ADAP1: variants seen among roughly 807,000 people sequenced by gnomAD.
ADAP1 encodes the protein arf-GAP with dual PH domain-containing protein 1.
ADAP1 carries 31 observed loss-of-function variants against 54.9 expected under a neutral mutation model. The ratio of observed to expected loss-of-function variants is 0.56; its 90% CI spans 0.42 to 0.76. The LOEUF (loss-of-function observed/expected upper bound fraction) is 0.76. ADAP1 is among the 30% of genes least tolerant of loss of function. The probability of loss-of-function intolerance (pLI) is 0.00; values close to 1 mark genes in which losing one functional copy is unlikely to be tolerated. For missense variants in ADAP1, 535 were observed against 512.4 expected, an observed-to-expected ratio of 1.04 and a Z score of -0.42; for synonymous variants, 313 against 202.6, an observed-to-expected ratio of 1.55 and a Z score of -4.63.
In ADAP1 at chr7:898,717, T is replaced by C; in HGVS notation, c.*204A>G. ...AGCAGCAGCATGACGGGGTTAGAGA[T>C]CAGGCCCAGGGCCTGGGCTGCCTGC... On this transcript the variant is annotated 3_prime_UTR_variant, in exon 11 of 11. Coordinates refer to ENST00000265846, the MANE Select transcript of ADAP1 (RefSeq NM_006869.4). The C allele has an allele frequency of 1.5e-6, 1 of 652,540 alleles. No individual in the cohort carries two copies. 40.4% of individuals were successfully genotyped at this position (652,540 alleles called of 1,614,324 possible).
At chr7:927,295 CTG>C (rs1846423655) in intron 2 of ADAP1, 2 of 1,197,162 alleles carry the variant, frequency 1.7e-6, no homozygotes, top group African/African-American at 3.2e-5. Flanking sequence ...GTCACGCACA[CTG>C]TGCTCCTGGC....
At chr7:942,164 G>A (rs1846954256) in intron 1 of ADAP1, among the ~76,000 whole-genome samples, 1 of 152,108 alleles carries the variant, frequency 6.6e-6, no homozygotes, top group African/African-American at 2.4e-5. Flanking sequence ...TGGTGCTAAA[G>A]GTAAAACCTA....
Position 945,778 on chromosome 7 carries a change from C to G in ADAP1, c.82+8618G>C. On this transcript the variant is annotated intron_variant, in intron 1 of 10. Coordinates refer to ENST00000265846, the MANE Select transcript of ADAP1 (RefSeq NM_006869.4). The surrounding 1 kb of genome is among the most constrained non-coding windows in gnomAD (Gnocchi z 4.2). ...CTGCCCTACCTGCTCCCAGGACGCCCGAGGTGACTCAGCCGCTCACCATTT... is the reference window on the plus strand; with the variant it reads ...CTGCCCTACCTGCTCCCAGGACGCCGGAGGTGACTCAGCCGCTCACCATTT... 2 of 985,670 alleles carry G rather than the reference C, an allele frequency of 2.0e-6. No homozygotes were observed. Among genetic ancestry groups the G allele is most frequent in the South Asian group, 9.4e-5 (2 of 21,294 alleles). The allele number at this position is 985,670 out of a possible 1,614,324, so 61.1% of individuals were successfully genotyped here. A position where few individuals can be genotyped will look rare whatever the true frequency, so the allele number is the denominator to read the frequency against.
rs1206145858 is a variant in ADAP1 at position 926,877 on chromosome 7, C to A, written c.214-233G>T. On this transcript the variant is annotated intron_variant, in intron 2 of 10. Transcript: ENST00000265846. This position sits in a 1 kb window ranked among gnomAD's most constrained non-coding sequence, Gnocchi z 4.6. Reference sequence around the variant, plus strand: ...AGCGTCCCTAACGACGGGGTCCCGGCAAAGGGGGCCCAGGGGCCAGGCCCC... The same window carrying A: ...AGCGTCCCTAACGACGGGGTCCCGGAAAAGGGGGCCCAGGGGCCAGGCCCC... 4.2e-6 allele frequency: 4 copies of A among 947,910 alleles called. No homozygotes were observed. Among genetic ancestry groups the A allele is most frequent in the Middle Eastern group, 3.6e-4 (1 of 2,788 alleles). 58.7% of individuals were successfully genotyped at this position (947,910 alleles called of 1,614,324 possible). A position where few individuals can be genotyped will look rare whatever the true frequency, so the allele number is the denominator to read the frequency against.
intron 3 of ADAP1, among the ~76,000 whole-genome samples, chr7:922,147 G>A (rs1056653977): frequency 1.5e-4 from 23 of 152,186 alleles, no homozygotes; most frequent in African/African-American, 5.3e-4. Flanking sequence ...TGGAGGGGCC[G>A]CACTGACACC....
chr7:940,487 TC>T (rs1846914914), intron 1 of ADAP1, among the ~76,000 whole-genome samples: 1 of 152,156 alleles, frequency 6.6e-6, no homozygotes, highest in Admixed American at 6.6e-5. Flanking sequence ...GAAGTTTGTA[TC>T]ATTTTTAAAA....
chr7:950,173 G>GA (rs1847232816), intron 1 of ADAP1, among the ~76,000 whole-genome samples: 1 of 152,244 alleles, frequency 6.6e-6, no homozygotes, highest in African/African-American at 2.4e-5. Context: ...TAGACTGAGT[G>GA]AAACTGGCCA....
Position 905,145 on chromosome 7 carries a change from C to T in ADAP1, c.416G>A (p.Arg139His), listed in dbSNP as rs139491978. 23 of 1,612,092 alleles carry T rather than the reference C, an allele frequency of 1.4e-5. No homozygotes were observed. Among genetic ancestry groups the T allele is most frequent in the South Asian group, 3.3e-5 (3 of 91,086 alleles). The change falls in exon 5 of 11, where the codon CGT becomes CAT. Residue 139 changes from arginine (R) to histidine (H), a missense_variant. Physicochemically the swap from Arg to His is conservative, Grantham distance 29 (BLOSUM62 0). Transcript: ENST00000265846. ...CAAAAACTGCCCGTTGTCCCGGCCA[C>T]GCTTCCAGAGAAAACCCTCACGGTA... ...AGYREGFLWK[R>H]GRDNGQFLSR...
chr7:917,534 G>A (rs765955555), intron 4 of ADAP1, among the ~76,000 whole-genome samples: 3 of 152,076 alleles, frequency 2.0e-5, no homozygotes, highest in Non-Finnish European at 2.9e-5. Context: ...GCGCAATCTC[G>A]GCTCATTGCA....
At chr7:944,716 C>T (rs568063551) in intron 1 of ADAP1, among the ~76,000 whole-genome samples, 1 of 152,318 alleles carries the variant, frequency 6.6e-6, no homozygotes, top group Non-Finnish European at 1.5e-5. Flanking sequence ...CTTTGTGTTA[C>T]AAACAATCCA....
rs190076164 is a variant in ADAP1 at position 903,168 on chromosome 7, C to T, written c.648+958G>A. On this transcript the variant is annotated intron_variant, in intron 6 of 10. Coordinates refer to ENST00000265846, the MANE Select transcript of ADAP1 (RefSeq NM_006869.4). ...GTCTGCGGCAACACATGGTCAACTG[C>T]GGCAAGGAACACAGCCGCTTACTGT... Among the ~76,000 whole-genome samples, 69 of 152,280 alleles carry T rather than the reference C, an allele frequency of 4.5e-4. 1 individual carries two copies. In the South Asian group the frequency reaches 7.0e-3, roughly 16 times the overall value.
chr7:943,252 AAGGG>A (rs1440123761), intron 1 of ADAP1, among the ~76,000 whole-genome samples: 2 of 15,918 alleles, frequency 1.3e-4, no homozygotes, highest in African/African-American at 1.3e-3. Flanking sequence ...GAGGAGGAGG[AAGGG>A]AGAGGAGGAG....
chr7:906,725 GGACATGGGGGACAGAGTACATA>G, intron 4 of ADAP1, among the ~76,000 whole-genome samples: 1 of 32,104 alleles, frequency 3.1e-5, no homozygotes, highest in Non-Finnish European at 5.6e-5. Flanking sequence ...ATCGGGGACG[GGACATGGGGGACAGAGTACATA>G]GGGGACATGG....
Position 926,491 on chromosome 7 carries a change from G to T in ADAP1, c.305+62C>A. 1 of 1,416,630 alleles carries T rather than the reference G, an allele frequency of 7.1e-7. No homozygotes were observed. Among genetic ancestry groups the T allele is most frequent in the Non-Finnish European group, 9.4e-7 (1 of 1,065,284 alleles). 87.8% of individuals were successfully genotyped at this position (1,416,630 alleles called of 1,614,324 possible). On this transcript the variant is annotated intron_variant, in intron 3 of 10. Coordinates refer to ENST00000265846, the MANE Select transcript of ADAP1 (RefSeq NM_006869.4). The surrounding 1 kb of genome is among the most constrained non-coding windows in gnomAD (Gnocchi z 4.6). ...ACTCCCCACCCTGCCGGGTCCTCCC[G>T]GGGCCATCTCGGAGCCACCCAGCAC...
In ADAP1 at chr7:931,166, G is replaced by A. The variant is rs190083774; in HGVS notation, c.213+4209C>T. On this transcript the variant is annotated intron_variant, in intron 2 of 10. Transcript: ENST00000265846. ...AGGAGGGAAGGAAGGAGGGAGGGAGGGAGCGAGGCCCACACAGACCCCTGG... is the reference window on the plus strand; with the variant it reads ...AGGAGGGAAGGAAGGAGGGAGGGAGAGAGCGAGGCCCACACAGACCCCTGG... Among the ~76,000 whole-genome samples the A allele has an allele frequency of 4.5e-3, 681 of 151,972 alleles. 6 individuals carry two copies. Among genetic ancestry groups the A allele is most frequent in the African/African-American group, 0.016 (648 of 41,436 alleles).
At chr7:913,185 C>T (rs896323399) in intron 4 of ADAP1, among the ~76,000 whole-genome samples, 3 of 148,664 alleles carry the variant, frequency 2.0e-5, no homozygotes, top group Non-Finnish European at 4.4e-5. Flanking sequence ...AGGCTGCTGG[C>T]CTCCTCCCCT....
At position 898,830 on chromosome 7, in the gene ADAP1, G is replaced by C; in HGVS notation, c.*91C>G. The C allele has an allele frequency of 6.6e-7, 1 of 1,521,912 alleles. No individual in the cohort carries two copies. Among genetic ancestry groups the C allele is most frequent in the South Asian group, 1.2e-5 (1 of 83,580 alleles). The allele number at this position is 1,521,912 out of a possible 1,614,324, so 94.3% of individuals were successfully genotyped here. A position where few individuals can be genotyped will look rare whatever the true frequency, so the allele number is the denominator to read the frequency against. The stretch of plus-strand genomic sequence containing the variant: ...TGCCCTGAGGAGCAGGTGGGGCCAG[G>C]TGGCCTCAGGACGCCAGAGCCCCCC... On this transcript the variant is annotated 3_prime_UTR_variant, in exon 11 of 11. Transcript: ENST00000265846.
chr7:898,824 G>A lies in ADAP1; in HGVS notation c.*97C>T. On this transcript the variant is annotated 3_prime_UTR_variant, in exon 11 of 11. Transcript: ENST00000265846. ...CCGGGCTGCCCTGAGGAGCAGGTGG[G>A]GCCAGGTGGCCTCAGGACGCCAGAG... 2.6e-6 allele frequency: 4 copies of A among 1,511,144 alleles called. No individual in the cohort carries two copies. Among genetic ancestry groups the A allele is most frequent in the East Asian group, 2.5e-5 (1 of 40,670 alleles). 93.6% of individuals were successfully genotyped at this position (1,511,144 alleles called of 1,614,324 possible).
At chr7:903,744 G>A (rs75767593) in intron 6 of ADAP1, among the ~76,000 whole-genome samples, 11,756 of 152,094 alleles carry the variant, frequency 0.077, 497 homozygotes, top group Middle Eastern at 0.11. Flanking sequence ...TCTCCTCCCC[G>A]TAGGACCCCA....
Sources: gnomAD v4.1 joint callset for allele counts (sites outside exome capture counted in the v4.1 genomes callset) on GRCh38, gnomAD v4.1.1 for gene constraint, Gnocchi (gnomAD v3.1) non-coding constraint, MANE v1.5 for transcripts, NCBI Gene and HGNC (gene_info 2026-07-23, HGNC 2026-07-21) for gene names.